The following COX16 variants were observed in gnomAD, a reference collection of about 807,000 sequenced individuals.
COX16 encodes the protein cytochrome c oxidase assembly protein COX16 homolog, mitochondrial.
A neutral mutation model predicts 15.4 loss-of-function variants in COX16; 12 were observed. The observed-to-expected ratio is 0.78, with a 90% CI of 0.50 to 1.26. COX16 has a LOEUF of 1.26. Ranked by LOEUF, COX16 falls within the 50% of genes most tolerant of loss-of-function variation. COX16 has a pLI of 0.00. For missense variants in COX16, 124 were observed against 127.6 expected, an observed-to-expected ratio of 0.97 and a Z score of 0.14; for synonymous variants, 46 against 41.1, an observed-to-expected ratio of 1.12 and a Z score of -0.46.
intron 2 of COX16, among the ~76,000 whole-genome samples, chr14:70,334,041 AG>A (rs1886370525): frequency 6.6e-6 from 1 of 152,268 alleles, no homozygotes; most frequent in Non-Finnish European, 1.5e-5. Context: ...ACAAAAGCAG[AG>A]GGAATTTATT....
intron 2 of COX16, among the ~76,000 whole-genome samples, chr14:70,335,566 G>A (rs1012668663): frequency 4.4e-4 from 64 of 145,384 alleles, no homozygotes; most frequent in African/African-American, 1.6e-3. Flanking sequence ...ACAAATACAT[G>A]GAAATTATAC....
chr14:70,340,218 TC>T (rs1276471682), intron 2 of COX16, among the ~76,000 whole-genome samples: 1 of 152,128 alleles, frequency 6.6e-6, no homozygotes, highest in Non-Finnish European at 1.5e-5. Flanking sequence ...ATAAGGGATT[TC>T]CCCCTTTGTT....
Position 70,344,078 on chromosome 14 carries a change from G to A in COX16, c.70-1349C>T, listed in dbSNP as rs186350069. Among the ~76,000 whole-genome samples the A allele has an allele frequency of 7.8e-3, 1,180 of 152,240 alleles. 17 individuals are homozygous for A. The highest frequency in any genetic ancestry group is 0.027 in the African/African-American group (1,107 of 41,488). On this transcript the variant is annotated intron_variant, in intron 1 of 3. Coordinates refer to ENST00000389912, the MANE Select transcript of COX16 (RefSeq NM_016468.7). ...GTCACTGGGTGGGATGGCAGAACTG[G>A]TTGAGCCCAATTACCCGTCTGGGTA... is the stretch of plus-strand genomic sequence containing the variant.
chr14:70,352,668 CAG>C (rs1279531256), intron 1 of COX16, among the ~76,000 whole-genome samples: 2 of 107,986 alleles, frequency 1.9e-5, no homozygotes, highest in East Asian at 5.8e-4. Context: ...TTTTTTGAGA[CAG>C]AGTCTCGCTC....
intron 2 of COX16, among the ~76,000 whole-genome samples, chr14:70,340,361 A>G (rs1212132825): frequency 6.6e-6 from 1 of 152,132 alleles, no homozygotes; most frequent in Non-Finnish European, 1.5e-5. Flanking sequence ...TTTCTGTATA[A>G]ATTACCCAGT....
intron 2 of COX16, among the ~76,000 whole-genome samples, chr14:70,335,818 T>C (rs1418597977): frequency 6.6e-6 from 1 of 152,142 alleles, no homozygotes; most frequent in African/African-American, 2.4e-5. Context: ...CACAAATGAA[T>C]TTCACATATA....
At chr14:70,352,393 C>A (rs1360902529) in intron 1 of COX16, among the ~76,000 whole-genome samples, 1 of 151,940 alleles carries the variant, frequency 6.6e-6, no homozygotes, top group Non-Finnish European at 1.5e-5. Context: ...CACCATGTTG[C>A]CCAGGCTGGT....
At position 70,346,523 on chromosome 14, in the gene COX16, C is replaced by T. The variant is rs534576839; in HGVS notation, c.70-3794G>A. 9.2e-5 allele frequency among the ~76,000 whole-genome samples: 14 copies of T among 152,192 alleles called. No individual in the cohort carries two copies. In the South Asian group the frequency reaches 1.0e-3, roughly 11 times the overall value. On this transcript the variant is annotated intron_variant, in intron 1 of 3. Transcript: ENST00000389912. ...GGACTGTGAGCGGCCCCTGCAAGGG[C>T]GGCCCCATCACTTCCTAAGCCGGCC... is the stretch of plus-strand genomic sequence containing the variant.
intron 2 of COX16, among the ~76,000 whole-genome samples, chr14:70,341,931 T>C (rs1886635590): frequency 6.6e-6 from 1 of 152,156 alleles, no homozygotes. Context: ...GCTGTCTTTA[T>C]TTATACTGAA....
chr14:70,341,672 A>C (rs1886627540), intron 2 of COX16, among the ~76,000 whole-genome samples: 1 of 152,174 alleles, frequency 6.6e-6, no homozygotes, highest in African/African-American at 2.4e-5. Flanking sequence ...AGACCCCCTC[A>C]GTTTCCTCAC....
At chr14:70,326,956 T>C (rs1474869605) in intron 3 of COX16, among the ~76,000 whole-genome samples, 4 of 152,158 alleles carry the variant, frequency 2.6e-5, no homozygotes, top group African/African-American at 9.7e-5. Context: ...AAAACACTTT[T>C]GGGCAACTGA....
rs1886063042 is a variant in COX16, at chr14:70,326,130, ACTT to A, written c.*200_*202del. The A allele has an allele frequency of 6.1e-6, 2 of 326,256 alleles. No individual in the cohort carries two copies. Among genetic ancestry groups the A allele is most frequent in the South Asian group, 2.5e-4 (2 of 8,098 alleles). 20.2% of individuals were successfully genotyped at this position (326,256 alleles called of 1,614,324 possible). ...TAAAATATACGTGGCCAACATTGTT[ACTT>A]TCATCCACAGATGGAATAGCTGGGA... On this transcript the variant is annotated 3_prime_UTR_variant, in exon 4 of 4. Transcript: ENST00000389912.
intron 1 of COX16, among the ~76,000 whole-genome samples, chr14:70,347,688 G>A (rs1014661162): frequency 2.0e-5 from 3 of 152,044 alleles, no homozygotes; most frequent in Non-Finnish European, 2.9e-5. Flanking sequence ...CGGAGGTATC[G>A]GGTCTCCCCT....
intron 2 of COX16, among the ~76,000 whole-genome samples, chr14:70,342,088 G>A (rs759088234): frequency 2.0e-5 from 3 of 152,138 alleles, no homozygotes; most frequent in Non-Finnish European, 4.4e-5. Context: ...TCTAAAAACA[G>A]CTACATCAGA....
At chr14:70,353,409 TACACATATATATACAC>T (rs1887025543) in intron 1 of COX16, among the ~76,000 whole-genome samples, 3 of 148,506 alleles carry the variant, frequency 2.0e-5, no homozygotes, top group Non-Finnish European at 4.4e-5. Context: ...TATATATACA[TACACATATATATACAC>T]ACACATATAC....
intron 1 of COX16, among the ~76,000 whole-genome samples, chr14:70,358,371 A>ATTTTTTTTTTTTTTTTTT (rs34871293): frequency 1.1e-5 from 1 of 94,076 alleles, no homozygotes; most frequent in African/African-American, 4.1e-5. Flanking sequence ...AAAAACAACA[A>ATTTTTTTTTTTTTTTTTT]TTTTTTTTTT....
intron 1 of COX16, among the ~76,000 whole-genome samples, chr14:70,358,693 A>G (rs1352329688): frequency 6.6e-6 from 1 of 152,170 alleles, no homozygotes; most frequent in African/African-American, 2.4e-5. Flanking sequence ...GTCTGTATTT[A>G]AAAGCAGCTT....
At chr14:70,348,052 G>A (rs1358455954) in intron 1 of COX16, among the ~76,000 whole-genome samples, 2 of 151,964 alleles carry the variant, frequency 1.3e-5, no homozygotes, top group African/African-American at 2.4e-5. Flanking sequence ...ACCAACGAAC[G>A]TGTAGAGTTG....
intron 2 of COX16, among the ~76,000 whole-genome samples, chr14:70,336,925 T>TA (rs1398046981): frequency 6.6e-6 from 1 of 152,224 alleles, no homozygotes; most frequent in Non-Finnish European, 1.5e-5. Flanking sequence ...AAAATGCTAT[T>TA]ACTGCAGTCT....
Sources: gnomAD v4.1 joint callset for allele counts (sites outside exome capture counted in the v4.1 genomes callset) on GRCh38, gnomAD v4.1.1 for gene constraint, MANE v1.5 for transcripts, NCBI Gene and HGNC (gene_info 2026-07-23, HGNC 2026-07-21) for gene names.